The following MYO9A variants were observed in gnomAD, a reference collection of about 807,000 sequenced individuals.
MYO9A encodes the protein myosin IXA, also known as unconventional myosin-IXa.
In MYO9A, 103 loss-of-function variants were observed where a neutral mutation model predicts 293.3. The observed-to-expected ratio is 0.35, with a 90% CI of 0.30 to 0.41. The LOEUF is 0.41. Ranked by LOEUF, MYO9A falls within the 10% of genes least tolerant of loss-of-function variation. The probability of loss-of-function intolerance (pLI) is 1.00; values close to 1 mark genes in which losing one functional copy is unlikely to be tolerated. For synonymous variants in MYO9A, 1,001 were observed against 1,035.7 expected, an observed-to-expected ratio of 0.97 and a Z score of 0.64; for missense variants, 2,685 against 3,033.0, an observed-to-expected ratio of 0.89 and a Z score of 2.69.
chr15:71,888,409 G>C (rs564820113), intron 26 of MYO9A: 2 of 184,876 alleles, frequency 1.1e-5, no homozygotes, highest in Admixed American at 1.2e-4. Context: ...TAAAGATAGA[G>C]ACAAAAGATG....
chr15:71,949,700 C>A (rs2059008753), intron 15 of MYO9A, among the ~76,000 whole-genome samples: 1 of 150,438 alleles, frequency 6.6e-6, no homozygotes, highest in East Asian at 2.0e-4. Context: ...GTCTTCCCTG[C>A]ATACTCACAG....
intron 1 of MYO9A, among the ~76,000 whole-genome samples, chr15:72,050,380 G>A (rs369155313): frequency 9.8e-4 from 149 of 152,066 alleles, no homozygotes; most frequent in Non-Finnish European, 1.7e-3. Flanking sequence ...AGGCCGAGGC[G>A]GATAGATCAC....
chr15:71,968,484 C>G (rs775524927), intron 12 of MYO9A, among the ~76,000 whole-genome samples: 1 of 152,116 alleles, frequency 6.6e-6, no homozygotes, highest in South Asian at 2.1e-4. Context: ...TTGGGGCCAA[C>G]AACTTCCAAA....
intron 1 of MYO9A, among the ~76,000 whole-genome samples, chr15:72,108,001 T>A (rs1002576460): frequency 4.6e-5 from 7 of 152,152 alleles, no homozygotes; most frequent in African/African-American, 1.2e-4. Context: ...TCTTATTAAC[T>A]GAAGAATAAC....
At chr15:72,082,048 T>C (rs2079561771) in intron 1 of MYO9A, among the ~76,000 whole-genome samples, 1 of 152,154 alleles carries the variant, frequency 6.6e-6, no homozygotes, top group Non-Finnish European at 1.5e-5. Flanking sequence ...TTTTAAATAT[T>C]TTTTTCTAGA....
At chr15:71,837,085 T>C (rs1294581531) in intron 39 of MYO9A, among the ~76,000 whole-genome samples, 1 of 152,136 alleles carries the variant, frequency 6.6e-6, no homozygotes, top group Admixed American at 6.5e-5. Flanking sequence ...AATATACGAA[T>C]AGCCTTTGAA....
intron 2 of MYO9A, among the ~76,000 whole-genome samples, chr15:72,039,532 G>T (rs1596449593): frequency 6.6e-6 from 1 of 152,116 alleles, no homozygotes; most frequent in African/African-American, 2.4e-5. Context: ...GCAACCCATG[G>T]TTCAAAGAAG....
At chr15:71,869,765 G>C in intron 32 of MYO9A, among the ~76,000 whole-genome samples, 1 of 152,272 alleles carries the variant, frequency 6.6e-6, no homozygotes, top group East Asian at 1.9e-4. Context: ...AGTTGGTAGA[G>C]AGTAATGAAA....
At chr15:71,942,823 T>C (rs147449222) in intron 15 of MYO9A, among the ~76,000 whole-genome samples, 102 of 152,160 alleles carry the variant, frequency 6.7e-4, no homozygotes, top group Admixed American at 2.3e-3. Flanking sequence ...TTTTATAAAA[T>C]TGTTGCTTAT....
chr15:71,982,005 A>AT (rs750930471), intron 11 of MYO9A, among the ~76,000 whole-genome samples: 2,099 of 56,378 alleles, frequency 0.037, 271 homozygotes, highest in African/African-American at 0.092. Flanking sequence ...CCTATTTAGA[A>AT]TTTTTTTTTT....
At chr15:71,996,618 C>T (rs2148560868) in intron 9 of MYO9A, among the ~76,000 whole-genome samples, 1 of 152,036 alleles carries the variant, frequency 6.6e-6, no homozygotes, top group African/African-American at 2.4e-5. Flanking sequence ...AGGACTCATC[C>T]TTGACACCTC....
intron 9 of MYO9A, among the ~76,000 whole-genome samples, chr15:71,997,866 G>A (rs2076743906): frequency 1.3e-5 from 2 of 152,146 alleles, no homozygotes; most frequent in Non-Finnish European, 2.9e-5. Context: ...TTTATACACT[G>A]TTGGAGGGAG....
intron 1 of MYO9A, among the ~76,000 whole-genome samples, chr15:72,105,283 T>C (rs2080526401): frequency 1.3e-5 from 2 of 152,080 alleles, no homozygotes; most frequent in Admixed American, 1.3e-4. Flanking sequence ...TACCGTGGCA[T>C]GATCATTATG....
chr15:72,056,881 G>A (rs1283616734), intron 1 of MYO9A, among the ~76,000 whole-genome samples: 3 of 151,808 alleles, frequency 2.0e-5, no homozygotes, highest in Non-Finnish European at 2.9e-5. Flanking sequence ...AGGCTGAGGC[G>A]GGCGGATCAC....
chr15:72,009,903 C>T (rs2077124393), intron 7 of MYO9A, among the ~76,000 whole-genome samples: 2 of 151,490 alleles, frequency 1.3e-5, no homozygotes, highest in Non-Finnish European at 2.9e-5. Context: ...TTTAGATTTA[C>T]AATTAAAAAA....
At chr15:71,832,391 G>C (rs1290335581) in intron 39 of MYO9A, among the ~76,000 whole-genome samples, 2 of 152,038 alleles carry the variant, frequency 1.3e-5, no homozygotes, top group Non-Finnish European at 2.9e-5. Flanking sequence ...ATAAAAAGAA[G>C]TCTATACCTA....
At chr15:72,051,440 G>A (rs1343474024) in intron 1 of MYO9A, among the ~76,000 whole-genome samples, 1 of 152,048 alleles carries the variant, frequency 6.6e-6, no homozygotes, top group East Asian at 1.9e-4. Context: ...CTGTGCTCTT[G>A]GGGGATGGGA....
intron 8 of MYO9A, among the ~76,000 whole-genome samples, chr15:72,006,552 A>G (rs2077023140): frequency 6.6e-6 from 1 of 152,228 alleles, no homozygotes; most frequent in South Asian, 2.1e-4. Context: ...GGGACTGAAC[A>G]GGTAAAGCAC....
rs760986980 is a variant in MYO9A, at chr15:72,046,231, G to T, written c.333C>A (p.Asn111Lys). The T allele has an allele frequency of 3.1e-6, 5 of 1,613,708 alleles. No individual in the cohort carries two copies. Among genetic ancestry groups the T allele is most frequent in the Non-Finnish European group, 8.5e-7 (1 of 1,179,832 alleles). ...EDYRFLLREK[N>K]LDGSIHYGSL... is the part of the protein sequence containing the mutation. ...TACCATAATGGATTGATCCATCAAG[G>T]TTTTTCTCTCTCAGAAGGAAGCGGT... Residue 111 changes from asparagine (N) to lysine (K), a missense_variant, in exon 2 of 42, where the codon AAC becomes AAA. By Grantham distance (94) the Asn-to-Lys change is moderately conservative. Around this residue, in one of 10 missense-constraint regions of MYO9A, gnomAD observed 63 missense variants for 57.9 expected, o/e 1.09. Coordinates refer to ENST00000356056, the MANE Select transcript of MYO9A (RefSeq NM_006901.4).
Sources: allele counts gnomAD v4.1 joint callset (sites outside exome capture counted in the v4.1 genomes callset), GRCh38; gene constraint gnomAD v4.1.1; regional missense constraint gnomAD v4.1.1; transcripts MANE v1.5; gene names NCBI Gene and HGNC (gene_info 2026-07-23, HGNC 2026-07-21).